Variants in TNR observed in about 807,000 individuals in gnomAD.
TNR encodes the protein tenascin-R.
In TNR, 45 loss-of-function variants were observed where a neutral mutation model predicts 150.4. The observed-to-expected ratio is 0.30, with a 90% CI of 0.24 to 0.38. The LOEUF (loss-of-function observed/expected upper bound fraction) is 0.38. Among genes scored for constraint, TNR ranks in the 10% least tolerant of loss-of-function variants. The pLI, the probability that TNR is intolerant of heterozygous loss-of-function variation, is 1.00. For synonymous variants in TNR, 687 were observed against 678.4 expected (o/e 1.01, Z -0.20); for missense variants, 1,544 against 1,759.1 (o/e 0.88, Z 2.19).
intron 6 of TNR, among the ~76,000 whole-genome samples, chr1:175,393,231 G>T (rs1035447292): frequency 6.6e-6 from 1 of 152,160 alleles, no homozygotes; most frequent in African/African-American, 2.4e-5. Flanking sequence ...AAAAGTCATA[G>T]ACTAATAAAA....
chr1:175,584,051 C>A (rs1168731813), intron 1 of TNR, among the ~76,000 whole-genome samples: 1 of 152,162 alleles, frequency 6.6e-6, no homozygotes, highest in Non-Finnish European at 1.5e-5. Context: ...GTAATACAAA[C>A]CTTAATGGGT....
chr1:175,675,935 G>A (rs533844742), intron 1 of TNR, among the ~76,000 whole-genome samples: 6 of 152,192 alleles, frequency 3.9e-5, no homozygotes, highest in Non-Finnish European at 8.8e-5. Context: ...CCTGATTGTG[G>A]GGAGGATGTG....
intron 14 of TNR, among the ~76,000 whole-genome samples, 157 bp downstream of exon 14, chr1:175,362,506 G>A (rs1571339076): frequency 6.6e-6 from 1 of 152,110 alleles, no homozygotes; most frequent in Admixed American, 6.5e-5. Context: ...AGGAATATTG[G>A]GGGAGAGAAA....
intron 15 of TNR, among the ~76,000 whole-genome samples, chr1:175,358,003 G>C (rs1293136026): frequency 6.6e-6 from 1 of 152,236 alleles, no homozygotes; most frequent in East Asian, 1.9e-4. Context: ...TTTGACAGAA[G>C]AGATAGGGTT....
intron 4 of TNR, among the ~76,000 whole-genome samples, chr1:175,401,657 GA>G (rs1653707236): frequency 6.6e-6 from 1 of 151,938 alleles, no homozygotes; most frequent in Non-Finnish European, 1.5e-5. Context: ...ATTGATTTTT[GA>G]AAATAATTTA....
chr1:175,399,032 G>T (rs2901905), intron 4 of TNR, among the ~76,000 whole-genome samples: 37,343 of 152,074 alleles, frequency 0.25, 5,528 homozygotes, highest in East Asian at 0.54. Context: ...AATTTAGACA[G>T]CAGGTTACAG....
intron 16 of TNR, 119 bp from the exon 17 acceptor site, chr1:175,355,752 C>T: frequency 7.2e-7 from 1 of 1,398,486 alleles, no homozygotes. Flanking sequence ...ACATGCTGAC[C>T]CCTGCTCTGG....
At chr1:175,715,265 T>A (rs896726223) in intron 1 of TNR, among the ~76,000 whole-genome samples, 1 of 152,210 alleles carries the variant, frequency 6.6e-6, no homozygotes, top group Non-Finnish European at 1.5e-5. Context: ...CTGTCAATAC[T>A]TATGTCACCT....
chr1:175,566,201 C>T (rs907615607), intron 1 of TNR, among the ~76,000 whole-genome samples: 1 of 152,230 alleles, frequency 6.6e-6, no homozygotes, highest in African/African-American at 2.4e-5. Context: ...CCAATTAATT[C>T]ATTAGCTCTG....
intron 2 of TNR, among the ~76,000 whole-genome samples, chr1:175,525,229 T>C (rs1351481096): frequency 1.3e-5 from 2 of 152,194 alleles, no homozygotes; most frequent in African/African-American, 2.4e-5. Context: ...TCTGCCATGA[T>C]TGTAAGTTTC....
At chr1:175,438,931 T>TGA (rs1557934841) in intron 2 of TNR, among the ~76,000 whole-genome samples, 2 of 152,040 alleles carry the variant, frequency 1.3e-5, no homozygotes, top group African/African-American at 2.4e-5. Flanking sequence ...ATCAATATCA[T>TGA]GAAAATGGCC....
chr1:175,533,733 A>G (rs1022109528), intron 1 of TNR, among the ~76,000 whole-genome samples: 3 of 152,244 alleles, frequency 2.0e-5, no homozygotes, highest in Non-Finnish European at 4.4e-5. Flanking sequence ...GTTTAATTGA[A>G]TGACCCAGTG....
At chr1:175,537,998 C>T (rs1660361564) in intron 1 of TNR, among the ~76,000 whole-genome samples, 1 of 152,180 alleles carries the variant, frequency 6.6e-6, no homozygotes, top group Non-Finnish European at 1.5e-5. Flanking sequence ...GGGTGAAACT[C>T]TCCAAGGTCA....
At chr1:175,570,533 C>T (rs934500980) in intron 1 of TNR, among the ~76,000 whole-genome samples, 1 of 152,096 alleles carries the variant, frequency 6.6e-6, no homozygotes, top group Non-Finnish European at 1.5e-5. Context: ...GACTAGGGTA[C>T]CAAGATTGAT....
rs138087244 is a variant in TNR at position 175,386,232 on chromosome 1, G to A, written c.1577C>T (p.Pro526Leu). ...AATGAAATCGACTTTGGCTCGAGGGGGAATCCACTCCACAAAAGCCACAGT... is the reference window on the plus strand; with the variant it reads ...AATGAAATCGACTTTGGCTCGAGGGAGAATCCACTCCACAAAAGCCACAGT... ...SDTVAFVEWI[P>L]PRAKVDFILL... The change falls in exon 8 of 23, where the codon CCC becomes CTC. Residue 526 changes from proline to leucine, a missense_variant. Physicochemically the swap from Pro to Leu is moderately conservative, Grantham distance 98. This residue lies in a region of TNR where 1,254 missense variants were observed against 1,329.4 expected (regional missense o/e 0.94). Transcript: ENST00000367674. 1.3e-4 allele frequency: 213 copies of A among 1,607,164 alleles called. No individual in the cohort carries two copies. Among genetic ancestry groups the A allele is most frequent in the Non-Finnish European group, 1.7e-4 (200 of 1,174,588 alleles).
rs796781456 is a variant in TNR, at chr1:175,591,422, A to G, written c.-164-63053T>C. Among the ~76,000 whole-genome samples the G allele has an allele frequency of 7.2e-5, 11 of 152,296 alleles. 1 individual carries two copies. The highest frequency in any genetic ancestry group is 2.2e-4 in the African/African-American group (9 of 41,562). On this transcript the variant is annotated intron_variant, in intron 1 of 22. Transcript: ENST00000367674. ...AAACCCTGTGGAAACTAGTGCTTCA[A>G]TTGCTATTATGAGCAGACTCCCAGC...
chr1:175,396,274 A>C (rs1468144410), intron 5 of TNR, among the ~76,000 whole-genome samples: 1 of 152,210 alleles, frequency 6.6e-6, no homozygotes, highest in Non-Finnish European at 1.5e-5. Flanking sequence ...CTAGCTTATA[A>C]CAAGCCAGTA....
chr1:175,508,278 AAAAT>A (rs1437318261), intron 2 of TNR, among the ~76,000 whole-genome samples: 1 of 152,200 alleles, frequency 6.6e-6, no homozygotes, highest in Non-Finnish European at 1.5e-5. Flanking sequence ...AAGTAAAATT[AAAAT>A]AAATAAATAA....
intron 2 of TNR, among the ~76,000 whole-genome samples, chr1:175,524,528 C>A (rs1354230563): frequency 6.6e-6 from 1 of 152,000 alleles, no homozygotes; most frequent in Admixed American, 6.5e-5. Context: ...ATGGGTGGAT[C>A]AGGCTATAGA....
Sources: allele counts gnomAD v4.1 joint callset (sites outside exome capture counted in the v4.1 genomes callset), GRCh38; gene constraint gnomAD v4.1.1; regional missense constraint gnomAD v4.1.1; transcripts MANE v1.5; gene names NCBI Gene and HGNC (gene_info 2026-07-23, HGNC 2026-07-21).